Variants in GUCY2C observed in about 807,000 individuals in gnomAD.
The protein encoded by GUCY2C is guanylyl cyclase C.
Under a neutral mutation model 131.1 loss-of-function variants are expected in GUCY2C, and 118 were observed. The observed-to-expected ratio is 0.90, with a 90% confidence interval of 0.78 to 1.05. GUCY2C has a LOEUF of 1.05. GUCY2C is among the 50% of genes least tolerant of loss of function. GUCY2C has a pLI of 0.00. For synonymous variants in GUCY2C, 452 were observed against 457.8 expected (o/e 0.99, Z 0.16); for missense variants, 1,161 against 1,304.4 (o/e 0.89, Z 1.69).
At chr12:14,616,908 G>T (rs1201972474) in intron 24 of GUCY2C, among the ~76,000 whole-genome samples, 181 bp from the exon 25 acceptor site, 1 of 152,182 alleles carries the variant, frequency 6.6e-6, no homozygotes. Context: ...GGTATAGTTT[G>T]GATATTTGTC....
At chr12:14,620,199 A>C (rs1013081547) in intron 23 of GUCY2C, among the ~76,000 whole-genome samples, 1 of 152,166 alleles carries the variant, frequency 6.6e-6, no homozygotes, top group African/African-American at 2.4e-5. Context: ...ACTGCAACCT[A>C]GCTTGGTACA....
At chr12:14,686,701 G>GA (rs1252519971) in intron 2 of GUCY2C, among the ~76,000 whole-genome samples, 4 of 152,186 alleles carry the variant, frequency 2.6e-5, no homozygotes, top group Non-Finnish European at 1.5e-5. Flanking sequence ...TTCTTAAGGG[G>GA]AATCTGGTTG....
chr12:14,643,785 T>C (rs1310453569), intron 16 of GUCY2C, 79 bp from the exon 17 acceptor site: 1 of 1,324,690 alleles, frequency 7.5e-7, no homozygotes, highest in Non-Finnish European at 1.1e-6. Flanking sequence ...AAAAGTGACA[T>C]TTGGAAACCA....
chr12:14,696,524 T>C lies in GUCY2C; in HGVS notation c.-76A>G. The C allele has an allele frequency of 9.0e-7, 1 of 1,114,960 alleles. No individual in the cohort carries two copies. Among genetic ancestry groups the C allele is most frequent in the Non-Finnish European group, 1.3e-6 (1 of 746,598 alleles). 69.1% of individuals were successfully genotyped at this position (1,114,960 alleles called of 1,614,324 possible). On this transcript the variant is annotated 5_prime_UTR_variant, in exon 1 of 27. Coordinates refer to ENST00000261170, the MANE Select transcript of GUCY2C (RefSeq NM_004963.4). ...GTTGGGCTCCTAGGGAGGCAGGGAATCCAGATGGACAGCCTCTAGTGGAGT... is the reference window on the plus strand; with the variant it reads ...GTTGGGCTCCTAGGGAGGCAGGGAACCCAGATGGACAGCCTCTAGTGGAGT...
rs1201747902 is a variant in GUCY2C at position 14,618,242 on chromosome 12, T to C, written c.2875+969A>G. 2.0e-5 allele frequency among the ~76,000 whole-genome samples: 3 copies of C among 152,358 alleles called. No homozygotes were observed. In the South Asian group the frequency reaches 6.2e-4, roughly 32 times the overall value. On this transcript the variant is annotated intron_variant, in intron 24 of 26. Coordinates refer to ENST00000261170, the MANE Select transcript of GUCY2C (RefSeq NM_004963.4). ...ATTCTTGGTTGGGTATGATGGCTCT[T>C]GCCTGTAATTCCAACACTTTGGGGC...
At chr12:14,616,029 C>T (rs558171894) in intron 25 of GUCY2C, among the ~76,000 whole-genome samples, 12 of 152,040 alleles carry the variant, frequency 7.9e-5, no homozygotes, top group African/African-American at 1.4e-4. Flanking sequence ...TCTGGAATAG[C>T]GATTCTCAAA....
intron 15 of GUCY2C, among the ~76,000 whole-genome samples, chr12:14,648,287 AT>A (rs1947567864): frequency 7.0e-6 from 1 of 143,122 alleles, no homozygotes; most frequent in African/African-American, 2.6e-5. Context: ...AAAAAAAAAA[AT>A]CTATTCCTTT....
chr12:14,639,567 A>G (rs1275106615), intron 19 of GUCY2C, among the ~76,000 whole-genome samples: 1 of 152,206 alleles, frequency 6.6e-6, no homozygotes. Flanking sequence ...CATATGTCCT[A>G]ATAGAAAGGT....
chr12:14,685,394 A>G (rs568688696), intron 3 of GUCY2C, among the ~76,000 whole-genome samples: 2 of 152,214 alleles, frequency 1.3e-5, no homozygotes, highest in South Asian at 4.2e-4. Context: ...CAGAGGTCTA[A>G]TGTTTACTCT....
chr12:14,643,701 C>A lies in GUCY2C; in HGVS notation c.1803G>T (p.Met601Ile). Residue 601 changes from methionine (M) to isoleucine (I), a missense_variant, in exon 17 of 27, where the codon ATG (methionine) becomes ATT (isoleucine). Transcript: ENST00000261170. ...CTGTCTTACTGGAGTGCAGATATGA[C>A]ATTCCCTGTAATTTTTTAGATGATA... ...ISVLYDIAKG[M>I]SYLHSSKTEV... 6.2e-7 allele frequency: 1 copy of A among 1,611,612 alleles called. No homozygotes were observed. Among genetic ancestry groups the A allele is most frequent in the Non-Finnish European group, 8.5e-7 (1 of 1,178,762 alleles).
chr12:14,680,104 T>C (rs551663468), intron 5 of GUCY2C, among the ~76,000 whole-genome samples: 1 of 66,528 alleles, frequency 1.5e-5, no homozygotes, highest in South Asian at 5.3e-4. Flanking sequence ...CTGGAGTAAT[T>C]ACAGAATATA....
intron 19 of GUCY2C, among the ~76,000 whole-genome samples, chr12:14,639,299 C>CA (rs34629608): frequency 5.1e-4 from 39 of 77,114 alleles, no homozygotes; most frequent in African/African-American, 1.6e-3. Context: ...GACTCCGTCT[C>CA]AAAAAAAAAA....
chr12:14,635,961 A>G (rs1053797706), intron 19 of GUCY2C, among the ~76,000 whole-genome samples: 1 of 152,216 alleles, frequency 6.6e-6, no homozygotes, highest in African/African-American at 2.4e-5. Flanking sequence ...AATGAGACTG[A>G]ATCACTAGTC....
At chr12:14,650,577 A>G (rs1158110433) in intron 15 of GUCY2C, among the ~76,000 whole-genome samples, 1 of 152,124 alleles carries the variant, frequency 6.6e-6, no homozygotes, top group Non-Finnish European at 1.5e-5. Flanking sequence ...CTTTTACCTT[A>G]GCACCATTTT....
intron 10 of GUCY2C, 73 bp downstream of exon 10, chr12:14,669,649 A>G (rs924043048): frequency 3.9e-6 from 3 of 772,254 alleles, no homozygotes; most frequent in African/African-American, 3.5e-5. Context: ...GGCTAATTAC[A>G]TAAACAATAG....
chr12:14,681,429 G>A lies in GUCY2C; in HGVS notation c.660C>T (p.Leu220=), dbSNP rs778141596. The change falls in exon 5 of 27, where the codon CTC becomes CTT. Residue 220 remains leucine, a synonymous_variant. Transcript: ENST00000261170. ...CTTGTCTTAACACCACCTTAAAGCC[G>A]AGTTCGTGGGAGAAATAGGAAACGC... ...EASVSYFSHE[L]GFKVVLRQDK... is the part of the protein sequence containing the mutation. 6.2e-6 allele frequency: 10 copies of A among 1,611,974 alleles called. No homozygotes were observed. Among genetic ancestry groups the A allele is most frequent in the Middle Eastern group, 1.7e-4 (1 of 6,054 alleles).
At chr12:14,616,005 A>C (rs1179149618) in intron 25 of GUCY2C, among the ~76,000 whole-genome samples, 1 of 152,168 alleles carries the variant, frequency 6.6e-6, no homozygotes, top group Non-Finnish European at 1.5e-5. Context: ...AAATGTGAGG[A>C]ACTGCATGAA....
At chr12:14,665,017 G>C (rs533022742) in intron 10 of GUCY2C, among the ~76,000 whole-genome samples, 1 of 152,132 alleles carries the variant, frequency 6.6e-6, no homozygotes, top group South Asian at 2.1e-4. Context: ...TTCGAGACCA[G>C]CCTGGCCAAC....
At position 14,622,136 on chromosome 12, in the gene GUCY2C, T is replaced by C; in HGVS notation, c.2470A>G (p.Thr824Ala). The C allele has an allele frequency of 6.2e-7, 1 of 1,606,532 alleles. No individual in the cohort carries two copies. The highest frequency in any genetic ancestry group is 8.5e-7 in the Non-Finnish European group (1 of 1,177,010). Residue 824 changes from threonine to alanine, a missense_variant, in exon 22 of 27, where the codon ACA becomes GCA. Thr to Ala is a moderately conservative substitution (Grantham distance 58). Transcript: ENST00000261170. ...CCTACAATGTCACTGAAGTAGATTGTAACTTCCTCATATAGTTCCGGCTCC... is the reference window on the plus strand; with the variant it reads ...CCTACAATGTCACTGAAGTAGATTGCAACTTCCTCATATAGTTCCGGCTCC... Reference protein sequence around the residue: ...FVEPELYEEVTIYFSDIVGFT... With the variant: ...FVEPELYEEVAIYFSDIVGFT...
Sources: gnomAD v4.1 joint callset for allele counts (sites outside exome capture counted in the v4.1 genomes callset) on GRCh38, gnomAD v4.1.1 for gene constraint, MANE v1.5 for transcripts, NCBI Gene and HGNC (gene_info 2026-07-23, HGNC 2026-07-21) for gene names.